Variants in PRR5L observed in about 807,000 individuals in gnomAD.
PRR5L encodes the protein proline-rich protein 5-like.
In PRR5L, 21 loss-of-function variants were observed where a neutral mutation model predicts 36.4. That is an observed-to-expected ratio of 0.58 (90% CI 0.41 to 0.83). PRR5L has a LOEUF of 0.83. Among genes scored for constraint, PRR5L ranks in the 40% least tolerant of loss-of-function variants. The probability of loss-of-function intolerance (pLI) is 0.00; values close to 1 mark genes in which losing one functional copy is unlikely to be tolerated. For missense variants in PRR5L, 381 were observed against 473.3 expected (o/e 0.80, Z 1.81); for synonymous variants, 188 against 197.0 (o/e 0.95, Z 0.38).
chr11:36,431,958 T>G (rs1590582807), intron 5 of PRR5L, 48 bp downstream of exon 5: 1 of 1,517,630 alleles, frequency 6.6e-7, no homozygotes, highest in South Asian at 1.1e-5. Flanking sequence ...TGACTCAGTC[T>G]TTGATGTCTG....
chr11:36,429,095 T>C (rs893326215), intron 4 of PRR5L, among the ~76,000 whole-genome samples: 4 of 152,128 alleles, frequency 2.6e-5, no homozygotes, highest in Non-Finnish European at 4.4e-5. Flanking sequence ...GGAGAAGACC[T>C]AGAAAGGAGA....
rs1859263981 is a variant in PRR5L at position 36,464,866 on chromosome 11, G to C, written c.*2130G>C. Reference sequence around the variant, plus strand: ...AAATGAGAATGGAAGTGTCAGTATAGACCCAGTGTACTTAAGTGCTGATGA... The same window carrying C: ...AAATGAGAATGGAAGTGTCAGTATACACCCAGTGTACTTAAGTGCTGATGA... On this transcript the variant is annotated 3_prime_UTR_variant, in exon 9 of 9. Coordinates refer to ENST00000530639, the MANE Select transcript of PRR5L (RefSeq NM_001160167.2). 6.6e-6 allele frequency: 1 copy of C among 152,198 alleles called. No homozygotes were observed. The highest frequency in any genetic ancestry group is 2.4e-5 in the African/African-American group (1 of 41,444). 9.4% of individuals were successfully genotyped at this position (152,198 alleles called of 1,614,324 possible).
At chr11:36,420,066 C>T (rs1269767092) in intron 4 of PRR5L, among the ~76,000 whole-genome samples, 2 of 152,166 alleles carry the variant, frequency 1.3e-5, no homozygotes, top group Middle Eastern at 3.2e-3. Context: ...CAGACGCAAG[C>T]TGTTTTCATG....
chr11:36,341,363 G>A (rs955899634), intron 1 of PRR5L, among the ~76,000 whole-genome samples: 27 of 152,208 alleles, frequency 1.8e-4, no homozygotes, highest in African/African-American at 6.3e-4. Flanking sequence ...GGTGACGGCT[G>A]TCCAAAGACC....
intron 1 of PRR5L, among the ~76,000 whole-genome samples, chr11:36,297,091 A>G (rs527948293): frequency 6.6e-5 from 10 of 152,278 alleles, no homozygotes; most frequent in African/African-American, 2.2e-4. Context: ...TCTCTATTTT[A>G]TGGATGAGGA....
At chr11:36,311,793 C>T (rs1279658364) in intron 1 of PRR5L, among the ~76,000 whole-genome samples, 1 of 152,178 alleles carries the variant, frequency 6.6e-6, no homozygotes, top group Admixed American at 6.5e-5. Flanking sequence ...CCTCTCTGAG[C>T]TCTAGCCAAT....
intron 1 of PRR5L, among the ~76,000 whole-genome samples, chr11:36,318,107 A>G (rs866704470): frequency 6.6e-6 from 1 of 152,212 alleles, no homozygotes; most frequent in South Asian, 2.1e-4. Flanking sequence ...TGCCTACAGT[A>G]GTCAGTAGAG....
intron 1 of PRR5L, among the ~76,000 whole-genome samples, chr11:36,366,039 G>C (rs2133506522): frequency 6.6e-6 from 1 of 152,290 alleles, no homozygotes. Flanking sequence ...GAGTGGTTTG[G>C]ATGAGAATAT....
At chr11:36,448,263 C>G (rs1035139948) in intron 7 of PRR5L, among the ~76,000 whole-genome samples, 1 of 152,116 alleles carries the variant, frequency 6.6e-6, no homozygotes, top group Non-Finnish European at 1.5e-5. Flanking sequence ...TACCCTCATG[C>G]GCTCTGGTCC....
chr11:36,423,694 C>A (rs1256408836), intron 4 of PRR5L, among the ~76,000 whole-genome samples: 1 of 150,986 alleles, frequency 6.6e-6, no homozygotes, highest in East Asian at 2.0e-4. Context: ...AAAATTGGGG[C>A]CTATCTACAC....
intron 1 of PRR5L, among the ~76,000 whole-genome samples, chr11:36,330,689 A>G (rs1367346668): frequency 6.6e-6 from 1 of 152,234 alleles, no homozygotes; most frequent in Non-Finnish European, 1.5e-5. Context: ...TGTAATTGAT[A>G]AGAAAATTTC....
intron 1 of PRR5L, among the ~76,000 whole-genome samples, chr11:36,375,401 CT>C (rs1857244343): frequency 6.6e-6 from 1 of 152,132 alleles, no homozygotes; most frequent in African/African-American, 2.4e-5. Context: ...ACACCCAGAA[CT>C]TCTTCAACCC....
At chr11:36,413,459 T>C (rs1380268377) in intron 3 of PRR5L, among the ~76,000 whole-genome samples, 1 of 152,196 alleles carries the variant, frequency 6.6e-6, no homozygotes, top group Admixed American at 6.5e-5. Flanking sequence ...ATCTTAAAAA[T>C]TTGTTTCTGA....
At chr11:36,353,403 A>T (rs1354639543) in intron 1 of PRR5L, among the ~76,000 whole-genome samples, 1 of 152,178 alleles carries the variant, frequency 6.6e-6, no homozygotes, top group Non-Finnish European at 1.5e-5. Context: ...GAATGAAATG[A>T]TTACTATTTT....
Position 36,431,882 on chromosome 11 carries a change from T to C in PRR5L, c.324T>C (p.Phe108=). The part of the protein sequence containing the change: ...QNQLLAKGLF[F]VEEKIKLCEG... ...AGCTTCTTGCAAAAGGACTGTTCTT[T>C]GTGGAGGAGAAGATCAAGCTGTGTG... The change falls in exon 5 of 9, where the codon TTT becomes TTC. Residue 108 remains phenylalanine (F), a synonymous_variant. Transcript: ENST00000530639. The C allele has an allele frequency of 6.2e-7, 1 of 1,614,124 alleles. No homozygotes were observed. The highest frequency in any genetic ancestry group is 1.1e-5 in the South Asian group (1 of 91,078).
chr11:36,359,787 G>C (rs1280305700), intron 1 of PRR5L, among the ~76,000 whole-genome samples: 1 of 152,180 alleles, frequency 6.6e-6, no homozygotes, highest in Non-Finnish European at 1.5e-5. Context: ...GCTCACCCGT[G>C]TAATCCCAGC....
At position 36,451,191 on chromosome 11, in the gene PRR5L, T is replaced by G. The variant is rs1352451130; in HGVS notation, c.586-18T>G. On this transcript the variant is annotated intron_variant, in intron 7 of 8. Transcript: ENST00000530639. ...AATGAACACTGACCTTTGTGTATCT[T>G]GGCTGTTCATTTTCCAGAGTGTTCA... 6.2e-7 allele frequency: 1 copy of G among 1,613,882 alleles called. No individual in the cohort carries two copies. Among genetic ancestry groups the G allele is most frequent in the South Asian group, 1.1e-5 (1 of 91,044 alleles).
intron 1 of PRR5L, among the ~76,000 whole-genome samples, chr11:36,329,745 C>T (rs1364731179): frequency 1.3e-5 from 2 of 152,158 alleles, no homozygotes; most frequent in African/African-American, 4.8e-5. Flanking sequence ...AAAAGTCAAG[C>T]CAAGAGCTTG....
chr11:36,340,932 G>A (rs553616816), intron 1 of PRR5L, among the ~76,000 whole-genome samples: 1 of 152,330 alleles, frequency 6.6e-6, no homozygotes, highest in African/African-American at 2.4e-5. Context: ...CTGTGGTAGA[G>A]AGAGCTTTCT....
Sources: gnomAD v4.1 joint callset for allele counts (sites outside exome capture counted in the v4.1 genomes callset) on GRCh38, gnomAD v4.1.1 for gene constraint, MANE v1.5 for transcripts, NCBI Gene and HGNC (gene_info 2026-07-23, HGNC 2026-07-21) for gene names.